TRPM5: variants seen among roughly 807,000 people sequenced by gnomAD.
TRPM5 encodes the protein MLSN1 and TRP-related.
In TRPM5, 121 loss-of-function variants were observed where a neutral mutation model predicts 124.9. The ratio of observed to expected loss-of-function variants is 0.97; its 90% CI spans 0.84 to 1.13. The LOEUF is 1.13. TRPM5 is among the 50% of genes most tolerant of loss of function. The probability of loss-of-function intolerance (pLI) is 0.00; values close to 1 mark genes in which losing one functional copy is unlikely to be tolerated. For missense variants in TRPM5, 1,643 were observed against 1,589.1 expected, an observed-to-expected ratio of 1.03 and a Z score of -0.58; for synonymous variants, 781 against 700.5, an observed-to-expected ratio of 1.11 and a Z score of -1.81.
rs760985162 is a variant in TRPM5 at position 2,406,052 on chromosome 11, C to G, written c.3291G>C (p.Glu1097Asp). ...CCAGACACTTGATGCGCTTTTCTTG[C>G]TCTCTCAGACCCCCGAGGTACTTGG... is the stretch of plus-strand genomic sequence containing the variant. The change falls in exon 22 of 24, where the codon GAG (glutamate) becomes GAC (aspartate). Residue 1097 changes from glutamate to aspartate, a missense_variant. Transcript: ENST00000155858. 4.3e-6 allele frequency: 7 copies of G among 1,612,492 alleles called. No homozygotes were observed. In the Admixed American group the frequency reaches 1.2e-4, roughly 27 times the overall value.
intron 15 of TRPM5, 104 bp from the exon 21 acceptor site, chr11:2,412,357 T>G: frequency 1.7e-6 from 1 of 573,766 alleles, no homozygotes; most frequent in Non-Finnish European, 2.6e-6. Flanking sequence ...GTTCCATCTA[T>G]GACCAGGGCC....
exon 23 of TRPM5, chr11:2,405,570 C>T: frequency 1.3e-6 from 2 of 1,565,890 alleles, no homozygotes; most frequent in Non-Finnish European, 1.7e-6. Flanking sequence ...CCACGGAGGA[C>T]ACGAGCACCG....
At chr11:2,418,067 G>T in intron 6 of TRPM5, 100 bp downstream of exon 11, 1 of 1,172,570 alleles carries the variant, frequency 8.5e-7, no homozygotes, top group Non-Finnish European at 1.2e-6. Flanking sequence ...GCCTGAGGTG[G>T]GAGGAGTGGG....
At chr11:2,408,576 T>G (rs1394285638) in intron 18 of TRPM5, among the ~76,000 whole-genome samples, 1 of 152,136 alleles carries the variant, frequency 6.6e-6, no homozygotes, top group Non-Finnish European at 1.5e-5. Flanking sequence ...CTGAGCTCCC[T>G]CGGCCCTGGG....
intron 12 of TRPM5, 22 bp from the exon 18 acceptor site, chr11:2,413,610 C>CT: frequency 6.2e-7 from 1 of 1,601,838 alleles, no homozygotes; most frequent in Non-Finnish European, 8.5e-7. Context: ...GCAAAACTGT[C>CT]GGCTCCAACT....
upstream of TRPM5, among the ~76,000 whole-genome samples, chr11:2,425,645 G>A (rs553126950): frequency 2.7e-4 from 41 of 152,284 alleles, no homozygotes; most frequent in South Asian, 6.8e-3. Flanking sequence ...CACCCTGGGC[G>A]GGGGTCCTCA....
rs201556561 is a variant in TRPM5 at position 2,407,850 on chromosome 11, G to A, written c.2845C>T (p.Leu949Phe). The A allele has an allele frequency of 5.6e-6, 9 of 1,613,928 alleles. No homozygotes were observed. The highest frequency in any genetic ancestry group is 1.7e-5 in the Admixed American group (1 of 60,006). Residue 949 changes from leucine (L) to phenylalanine (F), a missense_variant, in exon 19 of 24, where the codon CTC becomes TTC. Physicochemically the swap from Leu to Phe is conservative, Grantham distance 22. Transcript: ENST00000155858. ...AGGATGACCAGCCAGTTGGCATAGAGGCTGGGGCAGGATGGTGAGTCCTCC... is the reference window on the plus strand; with the variant it reads ...AGGATGACCAGCCAGTTGGCATAGAAGCTGGGGCAGGATGGTGAGTCCTCC...
chr11:2,437,392 A>C, the TRPM5 span, among the ~76,000 whole-genome samples: 191 of 152,088 alleles, frequency 1.3e-3, no homozygotes, highest in Non-Finnish European at 2.5e-3. This position sits in a 1 kb window ranked among gnomAD's most constrained non-coding sequence, Gnocchi z 5.6. Context: ...GTGCATGTGG[A>C]CCTGCTTCTG....
At chr11:2,439,116 G>A in the TRPM5 span, among the ~76,000 whole-genome samples, 2 of 152,204 alleles carry the variant, frequency 1.3e-5, no homozygotes, top group South Asian at 2.1e-4. Flanking sequence ...GAGACAGCTG[G>A]CTTGCCATAT....
rs1360441848 is a variant in TRPM5 at position 2,415,362 on chromosome 11, C to T, written c.1238G>A (p.Gly413Glu). 3.1e-6 allele frequency: 5 copies of T among 1,587,858 alleles called. No homozygotes were observed. The highest frequency in any genetic ancestry group is 3.4e-5 in the Admixed American group (2 of 58,600). ...GGAGCGGTAGAGCTCCTGCAGCCGCCCATACGTCAGGAAGTCGGCCACGTC... is the reference window on the plus strand; with the variant it reads ...GGAGCGGTAGAGCTCCTGCAGCCGCTCATACGTCAGGAAGTCGGCCACGTC... Residue 413 changes from glycine (G) to glutamate (E), a missense_variant, in exon 9 of 24, where the codon GGG becomes GAG. By Grantham distance (98) the Gly-to-Glu change is moderately conservative. Transcript: ENST00000155858.
chr11:2,406,701 T>C, exon 21 of TRPM5: 1 of 1,613,386 alleles, frequency 6.2e-7, no homozygotes, highest in Non-Finnish European at 8.5e-7. Context: ...TCGCTGTCCC[T>C]CCTCCGCTTC....
At chr11:2,406,773 G>A in exon 21 of TRPM5, 3 of 1,612,964 alleles carry the variant, frequency 1.9e-6, no homozygotes, top group Non-Finnish European at 2.5e-6. Flanking sequence ...TTCTGGTCCA[G>A]GGGGTCTGGC....
the TRPM5 span, among the ~76,000 whole-genome samples, chr11:2,438,000 T>C: frequency 1.3e-5 from 2 of 152,180 alleles, no homozygotes; most frequent in Admixed American, 6.5e-5. This position sits in a 1 kb window ranked among gnomAD's most constrained non-coding sequence, Gnocchi z 5.6. Context: ...CACAGTCAAA[T>C]AGACTTCATT....
At chr11:2,404,485 C>T (rs1282442828), downstream of TRPM5, 2 of 157,658 alleles carry the variant, frequency 1.3e-5, no homozygotes, top group East Asian at 3.8e-4. Context: ...CCTTTTGGGT[C>T]TTAAGTGACA....
At chr11:2,423,018 G>C (rs775585567) in exon 1 of TRPM5, 26 of 1,611,944 alleles carry the variant, frequency 1.6e-5, no homozygotes, top group Middle Eastern at 1.7e-4. Context: ...CCGGGACGGG[G>C]GCCTTGGACA....
chr11:2,413,610 C>G (rs11605894), intron 12 of TRPM5, 22 bp from the exon 18 acceptor site: 2 of 1,601,756 alleles, frequency 1.2e-6, no homozygotes, highest in African/African-American at 1.3e-5. Context: ...GCAAAACTGT[C>G]GGCTCCAACT....
upstream of TRPM5, among the ~76,000 whole-genome samples, chr11:2,426,727 C>T (rs539309197): frequency 6.6e-6 from 1 of 152,308 alleles, no homozygotes; most frequent in Non-Finnish European, 1.5e-5. Flanking sequence ...CCCTCAGCCT[C>T]CCTGGGCCTG....
exon 18 of TRPM5, chr11:2,411,424 A>C: frequency 6.2e-7 from 1 of 1,612,154 alleles, no homozygotes; most frequent in Non-Finnish European, 8.5e-7. Flanking sequence ...CGGAAGATCC[A>C]CTCCAGGCGG....
the TRPM5 span, among the ~76,000 whole-genome samples, chr11:2,440,462 C>T: frequency 6.6e-6 from 1 of 152,144 alleles, no homozygotes; most frequent in Non-Finnish European, 1.5e-5. This position sits in a 1 kb window ranked among gnomAD's most constrained non-coding sequence, Gnocchi z 5.2. Flanking sequence ...TCTGTCCAGC[C>T]ACCCTGCCCC....
Sources: gnomAD v4.1 joint callset for allele counts (sites outside exome capture counted in the v4.1 genomes callset) on GRCh38, gnomAD v4.1.1 for gene constraint, Gnocchi (gnomAD v3.1) non-coding constraint, MANE v1.5 for transcripts, NCBI Gene and HGNC (gene_info 2026-07-23, HGNC 2026-07-21) for gene names.